Variants in GIPC1 observed in about 807,000 individuals in gnomAD.
The protein encoded by GIPC1 is GIPC PDZ domain containing family member 1, also known as PDZ domain-containing protein GIPC1.
In GIPC1, 15 loss-of-function variants were observed where a neutral mutation model predicts 28.5. That is an observed-to-expected ratio of 0.53 (90% CI 0.35 to 0.81). The LOEUF (loss-of-function observed/expected upper bound fraction) is 0.81, where lower values mean the gene tolerates loss of function less well. Ranked by LOEUF, GIPC1 falls within the 30% of genes least tolerant of loss-of-function variation. The probability of loss-of-function intolerance (pLI) is 0.01; values close to 1 mark genes in which losing one functional copy is unlikely to be tolerated. For synonymous variants in GIPC1, 224 were observed against 206.1 expected (o/e 1.09, Z -0.74); for missense variants, 439 against 481.9 (o/e 0.91, Z 0.83).
chr19:14,483,099 A>C, intron 3 of GIPC1, 93 bp from the exon 4 acceptor site: 42 of 825,722 alleles, frequency 5.1e-5, no homozygotes, highest in Middle Eastern at 2.5e-4. Flanking sequence ...GGAAATACTC[A>C]GAGAACAAAT....
In GIPC1 at chr19:14,479,445, G is replaced by A; in HGVS notation, c.735C>T (p.Leu245=). 7.0e-7 allele frequency: 1 copy of A among 1,429,522 alleles called. No individual in the cohort carries two copies. The highest frequency in any genetic ancestry group is 9.2e-7 in the Non-Finnish European group (1 of 1,091,944). The allele number at this position is 1,429,522 out of a possible 1,614,324, so 88.6% of individuals were successfully genotyped here. A position where few individuals can be genotyped will look rare whatever the true frequency, so the allele number is the denominator to read the frequency against. ...CCACCGTGGCGGGGCCCCGGGATCG[G>A]AGCCGCAGGGTCCCTCGGCCAGTGC... ...QLGTGRGTLR[L]RSRGPATVED... is the part of the protein sequence containing the mutation. The change falls in exon 7 of 9, where the codon CTC becomes CTT. Residue 245 remains leucine (L), a synonymous_variant. Transcript: ENST00000393033.
chr19:14,490,704 T>G (rs1441515253), intron 3 of GIPC1, among the ~76,000 whole-genome samples: 1 of 151,858 alleles, frequency 6.6e-6, no homozygotes, highest in Non-Finnish European at 1.5e-5. Context: ...CCAGGTGTGG[T>G]GGCTCACGCC....
At position 14,478,661 on chromosome 19, in the gene GIPC1, T is replaced by G. The variant is rs753675454; in HGVS notation, c.850+23A>C. On this transcript the variant is annotated intron_variant, in intron 8 of 8. Coordinates refer to ENST00000393033, the MANE Select transcript of GIPC1 (RefSeq NM_005716.4). The surrounding 1 kb of genome is among the most constrained non-coding windows in gnomAD (Gnocchi z 5.2). Reference sequence around the variant, plus strand: ...GCCCCCAGCAGACCTAGATGCCCCCTCCCCCAGGCAGCCCTCACTCACCCA... The same window carrying G: ...GCCCCCAGCAGACCTAGATGCCCCCGCCCCCAGGCAGCCCTCACTCACCCA... 6.2e-7 allele frequency: 1 copy of G among 1,611,152 alleles called. No homozygotes were observed. Among genetic ancestry groups the G allele is most frequent in the South Asian group, 1.1e-5 (1 of 91,008 alleles).
Position 14,482,927 on chromosome 19 carries a change from T to C in GIPC1, c.50A>G (p.Asn17Ser), listed in dbSNP as rs1197025748. ...TCCACGGCCTGGCTCAGCCTCCTCA[T>C]TTTCCACTAGAGGGGGCGCCTTTTT... Reference protein sequence around the residue: ...RRKKAPPLVENEEAEPGRGGL... With the variant: ...RRKKAPPLVESEEAEPGRGGL... Residue 17 changes from asparagine to serine, a missense_variant, in exon 4 of 9, where the codon AAT (asparagine) becomes AGT (serine). By Grantham distance (46) the Asn-to-Ser change is conservative (BLOSUM62 1). Transcript: ENST00000393033. The C allele has an allele frequency of 1.2e-6, 2 of 1,610,714 alleles. No individual in the cohort carries two copies. The highest frequency in any genetic ancestry group is 8.5e-7 in the Non-Finnish European group (1 of 1,179,240).
At chr19:14,490,529 T>C (rs1256642525) in intron 3 of GIPC1, among the ~76,000 whole-genome samples, 22 of 142,314 alleles carry the variant, frequency 1.5e-4, no homozygotes, top group Non-Finnish European at 1.5e-5. Context: ...AATACAAAAT[T>C]AGCTGGGTGT....
chr19:14,482,527 G>C, intron 4 of GIPC1, 162 bp downstream of exon 4: 1 of 689,226 alleles, frequency 1.5e-6, no homozygotes, highest in Non-Finnish European at 2.5e-6. Context: ...GTGCCTCATG[G>C]GGACTCAGCA....
At chr19:14,483,183 C>T (rs922050025) in intron 3 of GIPC1, 177 bp from the exon 4 acceptor site, 44 of 568,056 alleles carry the variant, frequency 7.7e-5, no homozygotes, top group Non-Finnish European at 9.2e-5. Flanking sequence ...GGGCTGGGTG[C>T]GGTGGCTCAC....
intron 6 of GIPC1, chr19:14,479,936 C>G (rs2071688401): frequency 2.3e-6 from 1 of 443,478 alleles, no homozygotes; most frequent in Non-Finnish European, 4.1e-6. Context: ...ACCCCCACCT[C>G]AGGGGCCTGG....
chr19:14,480,080 G>A (rs2071690846), intron 6 of GIPC1: 1 of 595,238 alleles, frequency 1.7e-6, no homozygotes, highest in Admixed American at 3.0e-5. Context: ...GCCCCTGGAA[G>A]CTAGGTGTGA....
intron 1 of GIPC1, among the ~76,000 whole-genome samples, chr19:14,494,749 G>T (rs2072041210): frequency 6.6e-6 from 1 of 152,078 alleles, no homozygotes; most frequent in African/African-American, 2.4e-5. Context: ...CCTGCTGTGC[G>T]GTTGCCAACT....
chr19:14,488,877 A>AG (rs1167682552), intron 3 of GIPC1, among the ~76,000 whole-genome samples: 2 of 145,562 alleles, frequency 1.4e-5, no homozygotes, highest in African/African-American at 5.0e-5. Flanking sequence ...CAGTGAGTGA[A>AG]GGGGGGATAG....
At chr19:14,482,600 G>T in intron 4 of GIPC1, 89 bp downstream of exon 4, 1 of 1,303,738 alleles carries the variant, frequency 7.7e-7, no homozygotes, top group Non-Finnish European at 1.1e-6. Flanking sequence ...TGCAGCTTCA[G>T]CATCTGAGCC....
In GIPC1 at chr19:14,478,267, C is replaced by A; in HGVS notation, c.*149G>T. Reference sequence around the variant, plus strand: ...GGGGATGGTACCGATTGGAGCGGGGCAGGGGGCCTGGCCCCACCTCCCCTC... The same window carrying A: ...GGGGATGGTACCGATTGGAGCGGGGAAGGGGGCCTGGCCCCACCTCCCCTC... On this transcript the variant is annotated 3_prime_UTR_variant, in exon 9 of 9. Transcript: ENST00000393033. This position sits in a 1 kb window ranked among gnomAD's most constrained non-coding sequence, Gnocchi z 5.2. The A allele has an allele frequency of 1.3e-6, 1 of 771,442 alleles. No individual in the cohort carries two copies. The highest frequency in any genetic ancestry group is 2.9e-5 in the Admixed American group (1 of 34,924). The allele number at this position is 771,442 out of a possible 1,614,324, so 47.8% of individuals were successfully genotyped here. A position where few individuals can be genotyped will look rare whatever the true frequency, so the allele number is the denominator to read the frequency against.
At position 14,482,502 on chromosome 19, in the gene GIPC1, G is replaced by A; in HGVS notation, c.288+187C>T. The A allele has an allele frequency of 6.3e-6, 4 of 630,742 alleles. No individual in the cohort carries two copies. In the South Asian group the frequency reaches 7.8e-5, roughly 12 times the overall value. The allele number at this position is 630,742 out of a possible 1,614,324, so 39.1% of individuals were successfully genotyped here. A position where few individuals can be genotyped will look rare whatever the true frequency, so the allele number is the denominator to read the frequency against. ...CCTCCAGTTCCCCACAATTCACAGG[G>A]GCACAAGCCTCCCAGTGCCTCATGG... On this transcript the variant is annotated intron_variant, in intron 4 of 8. Transcript: ENST00000393033.
chr19:14,488,933 ATT>A (rs199859179), intron 3 of GIPC1, among the ~76,000 whole-genome samples: 6 of 145,564 alleles, frequency 4.1e-5, no homozygotes, highest in East Asian at 2.0e-4. Context: ...TGTTTTCCTG[ATT>A]TTTTTTTTTT....
At chr19:14,491,600 G>T (rs938422906) in intron 3 of GIPC1, 56 bp downstream of exon 3, 1 of 152,268 alleles carries the variant, frequency 6.6e-6, no homozygotes, top group Non-Finnish European at 1.5e-5. Flanking sequence ...GCATCCATTC[G>T]TCTGTCCCCT....
rs1351536808 is a variant in GIPC1, at chr19:14,482,506, C to G, written c.288+183G>C. On this transcript the variant is annotated intron_variant, in intron 4 of 8. Transcript: ENST00000393033. Reference sequence around the variant, plus strand: ...CAGTTCCCCACAATTCACAGGGGCACAAGCCTCCCAGTGCCTCATGGGGAC... The same window carrying G: ...CAGTTCCCCACAATTCACAGGGGCAGAAGCCTCCCAGTGCCTCATGGGGAC... 6.3e-6 allele frequency: 4 copies of G among 637,710 alleles called. No individual in the cohort carries two copies. In the East Asian group the frequency reaches 1.1e-4, roughly 17 times the overall value. 39.5% of individuals were successfully genotyped at this position (637,710 alleles called of 1,614,324 possible). A position where few individuals can be genotyped will look rare whatever the true frequency, so the allele number is the denominator to read the frequency against.
chr19:14,491,447 T>TG (rs1432466195), intron 3 of GIPC1, among the ~76,000 whole-genome samples: 6 of 151,874 alleles, frequency 4.0e-5, no homozygotes, highest in Non-Finnish European at 8.8e-5. Flanking sequence ...TTAGTAGAGA[T>TG]GGGGTTTCTC....
chr19:14,479,623 T>C, intron 6 of GIPC1, 99 bp from the exon 7 acceptor site: 1 of 557,306 alleles, frequency 1.8e-6, no homozygotes, highest in Non-Finnish European at 3.0e-6. Context: ...CACCCCAAAC[T>C]TCTCCAGGCT....
Sources: allele counts gnomAD v4.1 joint callset (sites outside exome capture counted in the v4.1 genomes callset), GRCh38; gene constraint gnomAD v4.1.1; non-coding constraint Gnocchi (gnomAD v3.1); transcripts MANE v1.5; gene names NCBI Gene and HGNC (gene_info 2026-07-23, HGNC 2026-07-21).